The following ESYT2 variants were observed in gnomAD, a reference collection of about 807,000 sequenced individuals.
ESYT2 encodes extended synaptotagmin-2.
ESYT2 carries 54 observed loss-of-function variants against 107.2 expected under a neutral mutation model. That is an observed-to-expected ratio of 0.50 (90% CI 0.40 to 0.63). The LOEUF (loss-of-function observed/expected upper bound fraction) is 0.63, where lower values mean the gene tolerates loss of function less well. Ranked by LOEUF, ESYT2 falls within the 30% of genes least tolerant of loss-of-function variation. ESYT2 has a pLI of 0.00. For synonymous variants in ESYT2, 491 were observed against 434.1 expected, an observed-to-expected ratio of 1.13 and a Z score of -1.63; for missense variants, 1,020 against 1,094.5, an observed-to-expected ratio of 0.93 and a Z score of 0.96.
chr7:158,809,305 A>G (rs769684833), intron 1 of ESYT2, among the ~76,000 whole-genome samples: 9 of 151,836 alleles, frequency 5.9e-5, no homozygotes, highest in Admixed American at 2.6e-4. Context: ...GTGAAACCCC[A>G]TCTCTACTAA....
chr7:158,735,220 G>T (rs951362246), intron 21 of ESYT2, among the ~76,000 whole-genome samples: 3 of 152,154 alleles, frequency 2.0e-5, no homozygotes, highest in Non-Finnish European at 4.4e-5. Flanking sequence ...TAAAGCCAAA[G>T]AATTTTAGAA....
At position 158,734,147 on chromosome 7, in the gene ESYT2, G is replaced by A; in HGVS notation, c.*60C>T. 4.5e-6 allele frequency: 7 copies of A among 1,550,582 alleles called. No homozygotes were observed. In the Admixed American group the frequency reaches 1.0e-4, roughly 22 times the overall value. ...AATAACATTGGTACGTCTGTGAGAG[G>A]GTGTGTTCCGGGTAGAGGTGGAGAG... On this transcript the variant is annotated 3_prime_UTR_variant, in exon 23 of 23. Coordinates refer to ENST00000275418, the MANE Select transcript of ESYT2 (RefSeq NM_001367773.1).
intron 1 of ESYT2, among the ~76,000 whole-genome samples, chr7:158,823,650 G>A (rs796977395): frequency 6.6e-6 from 1 of 151,972 alleles, no homozygotes; most frequent in African/African-American, 2.4e-5. Flanking sequence ...TTTTAACAGT[G>A]CTATTGAGAC....
At chr7:158,748,142 T>C (rs553974344) in intron 16 of ESYT2, 52 bp downstream of exon 16, 31 of 1,563,914 alleles carry the variant, frequency 2.0e-5, no homozygotes, top group African/African-American at 1.4e-5. Flanking sequence ...TTGTATACTT[T>C]AAAAAGTCAA....
Position 158,788,319 on chromosome 7 carries a change from T to G in ESYT2, c.657+26A>C, listed in dbSNP as rs768405018. 5.7e-6 allele frequency: 9 copies of G among 1,583,046 alleles called. No homozygotes were observed. In the South Asian group the frequency reaches 7.0e-5, roughly 12 times the overall value. On this transcript the variant is annotated intron_variant, in intron 5 of 22. Coordinates refer to ENST00000275418, the MANE Select transcript of ESYT2 (RefSeq NM_001367773.1). ...TAGAGAACTTTAGAAAACTGTCAAA[T>G]TAAAACAAAAAAACAAAAAACTTAC...
intron 16 of ESYT2, among the ~76,000 whole-genome samples, chr7:158,745,530 A>C (rs1377303136): frequency 6.6e-6 from 1 of 152,214 alleles, no homozygotes; most frequent in Admixed American, 6.5e-5. Flanking sequence ...GACACTCGCC[A>C]ACACCAGAAA....
intron 10 of ESYT2, among the ~76,000 whole-genome samples, chr7:158,762,028 T>C (rs552374732): frequency 1.1e-4 from 16 of 152,202 alleles, no homozygotes; most frequent in African/African-American, 3.9e-4. Context: ...TCCCCCACCC[T>C]TGCTCCCAGG....
chr7:158,829,221 C>T lies in ESYT2; in HGVS notation c.198G>A (p.Ala66=), dbSNP rs1016496466. The T allele has an allele frequency of 6.5e-7, 1 of 1,529,410 alleles. No homozygotes were observed. Among genetic ancestry groups the T allele is most frequent in the Non-Finnish European group, 8.7e-7 (1 of 1,145,940 alleles). 94.7% of individuals were successfully genotyped at this position (1,529,410 alleles called of 1,614,324 possible). The change falls in exon 1 of 23, where the codon GCG becomes GCA. Residue 66 remains alanine, a synonymous_variant. Coordinates refer to ENST00000275418, the MANE Select transcript of ESYT2 (RefSeq NM_001367773.1). ...LGLSFSWVLL[A]LALLAWCRRS... is the part of the protein sequence containing the mutation. ...GGCGACACCAGGCGAGCAGCGCGAG[C>T]GCGAGGAGAACCCAGCTGAAGCTGA...
At chr7:158,754,435 T>G (rs1837685308) in intron 13 of ESYT2, among the ~76,000 whole-genome samples, 1 of 152,022 alleles carries the variant, frequency 6.6e-6, no homozygotes, top group South Asian at 2.1e-4. Context: ...ATGGTCTTGA[T>G]CTCTTGACCT....
chr7:158,782,111 TGA>T lies in ESYT2; in HGVS notation c.747+5891_747+5892del, dbSNP rs1233962958. ...AATGTGAGTGAACGACAACAAAGTG[TGA>T]GGTGTGAGTGTAAGAACGAGAACAA... On this transcript the variant is annotated intron_variant, in intron 6 of 22. Transcript: ENST00000275418. 1.1e-4 allele frequency among the ~76,000 whole-genome samples: 16 copies of T among 144,450 alleles called. No homozygotes were observed. In the East Asian group the frequency reaches 3.0e-3, roughly 27 times the overall value. The allele number at this position is 144,450 out of a possible 152,430, so 94.8% of individuals were successfully genotyped here. A position where few individuals can be genotyped will look rare whatever the true frequency, so the allele number is the denominator to read the frequency against.
At chr7:158,805,898 A>G (rs1839811223) in intron 1 of ESYT2, among the ~76,000 whole-genome samples, 1 of 152,238 alleles carries the variant, frequency 6.6e-6, no homozygotes, top group Admixed American at 6.5e-5. Context: ...TACCAGAGCT[A>G]TGGCAAATTG....
rs755185699 is a variant in ESYT2, at chr7:158,739,036, C to T, written c.2254G>A (p.Val752Met). 6 of 1,614,018 alleles carry T rather than the reference C, an allele frequency of 3.7e-6. No individual in the cohort carries two copies. The highest frequency in any genetic ancestry group is 2.2e-5 in the East Asian group (1 of 44,852). ...SSQRNKLIVV[V>M]HACRNLIAFS... The stretch of plus-strand genomic sequence containing the variant: ...CCCAGCCCCCACCTGCAGGCATGCA[C>T]GACCACGATAAGCTTGTTTCTCTGC... Residue 752 changes from valine to methionine, a missense_variant, in exon 19 of 23, where the codon GTG becomes ATG. Transcript: ENST00000275418.
chr7:158,736,959 G>C, intron 20 of ESYT2, 89 bp downstream of exon 20: 1 of 1,542,630 alleles, frequency 6.5e-7, no homozygotes, highest in Non-Finnish European at 8.9e-7. Context: ...TGATTTATGT[G>C]CTTTGGCCAC....
At chr7:158,819,729 A>G (rs1038352555) in intron 1 of ESYT2, among the ~76,000 whole-genome samples, 6 of 152,232 alleles carry the variant, frequency 3.9e-5, no homozygotes, top group African/African-American at 1.4e-4. Context: ...TCAGAAAAAA[A>G]TGTTTTTGAA....
chr7:158,797,856 GA>G lies in ESYT2; in HGVS notation c.507+85del, dbSNP rs11404991. 4,728 of 1,217,640 alleles carry G rather than the reference GA, an allele frequency of 3.9e-3. 4 individuals carry two copies. Among genetic ancestry groups the G allele is most frequent in the African/African-American group, 0.022 (1,416 of 64,602 alleles). The allele number at this position is 1,217,640 out of a possible 1,614,324, so 75.4% of individuals were successfully genotyped here. On this transcript the variant is annotated intron_variant, in intron 3 of 22. Coordinates refer to ENST00000275418, the MANE Select transcript of ESYT2 (RefSeq NM_001367773.1). ...GCAACAGAGCGAGACTCCGTCTCAA[GA>G]AAAAAAAAAAAAGAAAATGTGTTGT...
rs537266280 is a variant in ESYT2 at position 158,774,138 on chromosome 7, A to G, written c.748-742T>C. On this transcript the variant is annotated intron_variant, in intron 6 of 22. Transcript: ENST00000275418. ...CATAATAAAATTACTTGTGTTCTAT[A>G]TTTGTAGAAGAAATTCTAAGTAAAA... is the stretch of plus-strand genomic sequence containing the variant. Among the ~76,000 whole-genome samples, 43 of 152,320 alleles carry G rather than the reference A, an allele frequency of 2.8e-4. No individual in the cohort carries two copies. The South Asian group carries it at 8.7e-3, about 31-fold the overall frequency.
chr7:158,809,412 G>C (rs1839928098), intron 1 of ESYT2, among the ~76,000 whole-genome samples: 2 of 129,734 alleles, frequency 1.5e-5, no homozygotes, highest in Non-Finnish European at 3.1e-5. Flanking sequence ...GGAGGCGAAG[G>C]TTGCAGTGAG....
chr7:158,828,866 G>C (rs909497480), intron 1 of ESYT2, among the ~76,000 whole-genome samples: 1 of 151,158 alleles, frequency 6.6e-6, no homozygotes, highest in African/African-American at 2.4e-5. Flanking sequence ...GCAGGTCGCA[G>C]GAACCGGCCC....
At chr7:158,807,762 T>C (rs553375592) in intron 1 of ESYT2, among the ~76,000 whole-genome samples, 1 of 152,348 alleles carries the variant, frequency 6.6e-6, no homozygotes, top group African/African-American at 2.4e-5. Context: ...TGAGCACGGC[T>C]GTGTTCCAAA....
Sources: allele counts gnomAD v4.1 joint callset (sites outside exome capture counted in the v4.1 genomes callset), GRCh38; gene constraint gnomAD v4.1.1; transcripts MANE v1.5; gene names NCBI Gene and HGNC (gene_info 2026-07-23, HGNC 2026-07-21).